The following GRM7 variants were observed in gnomAD, a reference collection of about 807,000 sequenced individuals.
GRM7 encodes the protein glutamate metabotropic receptor 7.
A neutral mutation model predicts 84.5 loss-of-function variants in GRM7; 35 were observed. That is an observed-to-expected ratio of 0.41 (90% confidence interval 0.32 to 0.55). GRM7 has a LOEUF of 0.55. GRM7 is among the 20% of genes least tolerant of loss of function. The pLI is 0.19. For missense variants in GRM7, 1,003 were observed against 1,194.6 expected (o/e 0.84, Z 2.36); for synonymous variants, 487 against 455.1 (o/e 1.07, Z -0.89).
chr3:7,109,005 T>G (rs1692752622), intron 1 of GRM7, among the ~76,000 whole-genome samples: 1 of 152,142 alleles, frequency 6.6e-6, no homozygotes, highest in Non-Finnish European at 1.5e-5. Flanking sequence ...TTTCTTAATT[T>G]AGAAAATTCT....
intron 4 of GRM7, among the ~76,000 whole-genome samples, chr3:7,318,345 A>T (rs116412452): frequency 4.7e-4 from 72 of 152,214 alleles, no homozygotes; most frequent in African/African-American, 1.1e-3. Context: ...TCATGCCAGG[A>T]GCTCACAAAC....
chr3:7,352,416 G>A (rs1283823842), intron 4 of GRM7, among the ~76,000 whole-genome samples: 2 of 152,024 alleles, frequency 1.3e-5, no homozygotes, highest in African/African-American at 2.4e-5. Flanking sequence ...TAAAATAAAA[G>A]GATAAGCTCT....
intron 7 of GRM7, among the ~76,000 whole-genome samples, chr3:7,493,125 G>GA (rs1308101395): frequency 2.0e-5 from 3 of 151,908 alleles, no homozygotes; most frequent in Admixed American, 6.6e-5. Flanking sequence ...GAGCACTTGG[G>GA]AAAAAATGTG....
Position 7,741,519 on chromosome 3 carries a change from T to G in GRM7, c.*1113T>G. On this transcript the variant is annotated 3_prime_UTR_variant, in exon 10 of 10. Transcript: ENST00000357716. The stretch of plus-strand genomic sequence containing the variant: ...CCAAGAATGTATCAATAAAATACTT[T>G]GGTTAACTTTTTTATTTTCTGCAAT... 6.5e-6 allele frequency: 1 copy of G among 152,782 alleles called. No individual in the cohort carries two copies. Among genetic ancestry groups the G allele is most frequent in the Non-Finnish European group, 1.5e-5 (1 of 68,038 alleles). 9.5% of individuals were successfully genotyped at this position (152,782 alleles called of 1,614,324 possible). A position where few individuals can be genotyped will look rare whatever the true frequency, so the allele number is the denominator to read the frequency against.
chr3:7,056,632 G>A (rs903839805), intron 1 of GRM7, among the ~76,000 whole-genome samples: 6 of 151,970 alleles, frequency 3.9e-5, no homozygotes, highest in African/African-American at 1.4e-4. Context: ...TACTACGGAA[G>A]ATAACTACTC....
chr3:7,562,954 C>G (rs1283144402), intron 7 of GRM7, among the ~76,000 whole-genome samples: 2 of 151,438 alleles, frequency 1.3e-5, no homozygotes, highest in African/African-American at 4.8e-5. Flanking sequence ...CAGTTTCTAT[C>G]CTTTAGTTCA....
At chr3:7,715,855 C>T (rs1263995440) in intron 9 of GRM7, among the ~76,000 whole-genome samples, 1 of 152,112 alleles carries the variant, frequency 6.6e-6, no homozygotes, top group Non-Finnish European at 1.5e-5. Context: ...TGTCTCCTTC[C>T]TATTTCTTCT....
chr3:7,336,624 G>A (rs1477762396), intron 4 of GRM7, among the ~76,000 whole-genome samples: 3 of 151,994 alleles, frequency 2.0e-5, no homozygotes, highest in Non-Finnish European at 4.4e-5. Flanking sequence ...CTGATGATAT[G>A]ATTGCATACC....
intron 1 of GRM7, among the ~76,000 whole-genome samples, chr3:7,068,712 T>C (rs535327065): frequency 4.7e-4 from 72 of 152,148 alleles, no homozygotes; most frequent in Non-Finnish European, 8.2e-4. Context: ...CTATTACTTT[T>C]AATACTGTTT....
intron 1 of GRM7, among the ~76,000 whole-genome samples, chr3:7,129,526 A>G (rs1693520704): frequency 1.3e-5 from 2 of 152,202 alleles, no homozygotes; most frequent in African/African-American, 2.4e-5. Flanking sequence ...ATTTTGGACA[A>G]TGGTATATAG....
At chr3:7,717,408 T>G (rs1575665100) in intron 9 of GRM7, among the ~76,000 whole-genome samples, 1 of 152,290 alleles carries the variant, frequency 6.6e-6, no homozygotes, top group Middle Eastern at 3.4e-3. Flanking sequence ...GCGGAAGGTC[T>G]AGAAAATGCT....
intron 2 of GRM7, among the ~76,000 whole-genome samples, chr3:7,280,991 C>G (rs1401450880): frequency 1.3e-5 from 2 of 151,974 alleles, no homozygotes; most frequent in East Asian, 3.9e-4. Flanking sequence ...TAAATTTACT[C>G]TGAAAAGAAA....
intron 2 of GRM7, among the ~76,000 whole-genome samples, chr3:7,259,401 A>G (rs1023846061): frequency 6.6e-6 from 1 of 152,162 alleles, no homozygotes; most frequent in African/African-American, 2.4e-5. Context: ...CCTAGTACAC[A>G]ATAGTTATTT....
intron 1 of GRM7, among the ~76,000 whole-genome samples, chr3:6,945,108 A>C (rs577179291): frequency 1.1e-3 from 168 of 152,012 alleles, no homozygotes; most frequent in Non-Finnish European, 2.0e-3. Flanking sequence ...CATGTGCACA[A>C]TGTGCAGGTT....
intron 1 of GRM7, among the ~76,000 whole-genome samples, chr3:7,067,093 C>G (rs999505923): frequency 2.0e-5 from 3 of 151,916 alleles, no homozygotes; most frequent in Non-Finnish European, 4.4e-5. Context: ...TAAAAGCATT[C>G]CCTCTGAGAA....
At chr3:7,108,223 T>A (rs1043306505) in intron 1 of GRM7, among the ~76,000 whole-genome samples, 1 of 151,964 alleles carries the variant, frequency 6.6e-6, no homozygotes, top group Non-Finnish European at 1.5e-5. Flanking sequence ...TATTTCAGAG[T>A]CAAAATGAAC....
At chr3:7,255,630 T>G (rs1698166124) in intron 2 of GRM7, among the ~76,000 whole-genome samples, 1 of 152,210 alleles carries the variant, frequency 6.6e-6, no homozygotes, top group Non-Finnish European at 1.5e-5. Flanking sequence ...ATTCAAGGTG[T>G]GTAAACCATG....
chr3:6,939,695 C>A (rs1181921005), intron 1 of GRM7, among the ~76,000 whole-genome samples: 1 of 152,124 alleles, frequency 6.6e-6, no homozygotes, highest in South Asian at 2.1e-4. Context: ...AAATTACAGA[C>A]CTCAAATCCC....
At chr3:7,332,093 T>G (rs1701231770) in intron 4 of GRM7, among the ~76,000 whole-genome samples, 1 of 152,138 alleles carries the variant, frequency 6.6e-6, no homozygotes, top group Non-Finnish European at 1.5e-5. Context: ...CTTGACATCC[T>G]TGCAGCACTA....
Sources: allele counts gnomAD v4.1 joint callset (sites outside exome capture counted in the v4.1 genomes callset), GRCh38; gene constraint gnomAD v4.1.1; transcripts MANE v1.5; gene names NCBI Gene and HGNC (gene_info 2026-07-23, HGNC 2026-07-21).